Variants in CECR2 observed in about 807,000 individuals in gnomAD.
The protein encoded by CECR2 is chromatin remodeling regulator CECR2.
Under a neutral mutation model 154.5 loss-of-function variants are expected in CECR2, and 30 were observed. That is an observed-to-expected ratio of 0.19 (90% CI 0.15 to 0.26). The LOEUF (loss-of-function observed/expected upper bound fraction) is 0.26. Ranked by LOEUF, CECR2 falls within the 10% of genes least tolerant of loss-of-function variation. The pLI, the probability that CECR2 is intolerant of heterozygous loss-of-function variation, is 1.00. For missense variants in CECR2, 1,743 were observed against 1,829.3 expected (o/e 0.95, Z 0.86); for synonymous variants, 725 against 683.7 (o/e 1.06, Z -0.94).
chr22:17,514,184 T>A (rs2056010303), intron 8 of CECR2, among the ~76,000 whole-genome samples: 2 of 152,196 alleles, frequency 1.3e-5, no homozygotes. Flanking sequence ...GGAGACTGTC[T>A]CGCTGAACTC....
At chr22:17,545,161 G>C (rs1194577634) in intron 16 of CECR2, among the ~76,000 whole-genome samples, 1 of 151,674 alleles carries the variant, frequency 6.6e-6, no homozygotes, top group African/African-American at 2.4e-5. Context: ...GATCACCTGA[G>C]GTTGGGAGTT....
chr22:17,428,174 G>T (rs2054360350), intron 1 of CECR2: 2 of 152,084 alleles, frequency 1.3e-5, no homozygotes, highest in African/African-American at 2.4e-5. Flanking sequence ...TGATGGGGTT[G>T]TTTTTTTCTT....
At chr22:17,526,625 G>A (rs968061012) in intron 9 of CECR2, among the ~76,000 whole-genome samples, 5 of 151,842 alleles carry the variant, frequency 3.3e-5, no homozygotes, top group Non-Finnish European at 7.4e-5. Flanking sequence ...CCTGGCCAAG[G>A]TGTTGAAACC....
At chr22:17,472,997 C>T (rs1015809374) in intron 1 of CECR2, among the ~76,000 whole-genome samples, 2 of 152,110 alleles carry the variant, frequency 1.3e-5, no homozygotes, top group African/African-American at 4.8e-5. Context: ...TGGGGCTAGT[C>T]CCCTTGCTCA....
Position 17,548,128 on chromosome 22 carries a change from CTTT to C in CECR2, c.2861-7_2861-5del, listed in dbSNP as rs695573. 3.7e-3 allele frequency: 4,974 copies of C among 1,359,904 alleles called. No individual in the cohort carries two copies. The highest frequency in any genetic ancestry group is 7.8e-3 in the South Asian group (529 of 67,988). The allele number at this position is 1,359,904 out of a possible 1,614,324, so 84.2% of individuals were successfully genotyped here. A position where few individuals can be genotyped will look rare whatever the true frequency, so the allele number is the denominator to read the frequency against. On this transcript the variant is annotated splice_polypyrimidine_tract_variant and intron_variant, in intron 16 of 18. Coordinates refer to ENST00000262608, the MANE Select transcript of CECR2 (RefSeq NM_001290047.2). The stretch of plus-strand genomic sequence containing the variant: ...CAGCTACTGAGTTATTTTTTCTCCT[CTTT>C]TTTTTTTTTTTTGCAGCAGAGCCGT...
At chr22:17,393,670 T>C (rs1312123569) in intron 1 of CECR2, among the ~76,000 whole-genome samples, 1 of 152,190 alleles carries the variant, frequency 6.6e-6, no homozygotes, top group Non-Finnish European at 1.5e-5. Flanking sequence ...CCAACACTTA[T>C]TATCTGACTG....
chr22:17,494,556 T>G (rs1333595810), intron 2 of CECR2, among the ~76,000 whole-genome samples: 2 of 152,156 alleles, frequency 1.3e-5, no homozygotes, highest in African/African-American at 4.8e-5. Context: ...TGTAGTCCAG[T>G]GAGATTTGTG....
At chr22:17,552,449 C>A (rs1387861170) in intron 18 of CECR2, among the ~76,000 whole-genome samples, 1 of 152,186 alleles carries the variant, frequency 6.6e-6, no homozygotes, top group Non-Finnish European at 1.5e-5. Context: ...ATGCTTCCCA[C>A]CTTTCTCATT....
At chr22:17,492,193 A>G (rs10483093) in intron 2 of CECR2, among the ~76,000 whole-genome samples, 20,110 of 152,150 alleles carry the variant, frequency 0.13, 1,552 homozygotes, top group Non-Finnish European at 0.18. Context: ...GGGAGAATGC[A>G]ATTTGATTTT....
Position 17,542,308 on chromosome 22 carries a change from G to A in CECR2, c.2165G>A (p.Ser722Asn), listed in dbSNP as rs1276150251. 1.2e-6 allele frequency: 2 copies of A among 1,612,592 alleles called. No homozygotes were observed. The highest frequency in any genetic ancestry group is 2.2e-5 in the South Asian group (2 of 90,758). The change falls in exon 16 of 19, where the codon AGC becomes AAC. Residue 722 changes from serine (S) to asparagine (N), a missense_variant. By Grantham distance (46) the Ser-to-Asn change is conservative (BLOSUM62 1). Around this residue, in one of 4 missense-constraint regions of CECR2, gnomAD observed 1,250 missense variants for 1,192.1 expected, o/e 1.05. Transcript: ENST00000262608. ...GQISGPSQDG[S>N]MYAPAQFQPG... Reference sequence around the variant, plus strand: ...ATAAGTGGCCCAAGTCAGGATGGAAGCATGTATGCTCCAGCTCAGTTCCAG... The same window carrying A: ...ATAAGTGGCCCAAGTCAGGATGGAAACATGTATGCTCCAGCTCAGTTCCAG...
In CECR2 at chr22:17,524,038, C is replaced by G; in HGVS notation, c.955-80C>G. 6 of 1,137,902 alleles carry G rather than the reference C, an allele frequency of 5.3e-6. No individual in the cohort carries two copies. The South Asian group carries it at 8.8e-5, about 17-fold the overall frequency. 70.5% of individuals were successfully genotyped at this position (1,137,902 alleles called of 1,614,324 possible). A position where few individuals can be genotyped will look rare whatever the true frequency, so the allele number is the denominator to read the frequency against. ...TAGCTAATATTATTTGTTGAAAATA[C>G]TGAATTCAATGAACTGAGAGCAAAG... is the stretch of plus-strand genomic sequence containing the variant. On this transcript the variant is annotated intron_variant, in intron 8 of 18. Transcript: ENST00000262608.
intron 2 of CECR2, among the ~76,000 whole-genome samples, chr22:17,479,842 A>G (rs2518762): frequency 0.24 from 33,924 of 140,500 alleles, 4,512 homozygotes; most frequent in Non-Finnish European, 0.31. Flanking sequence ...ATCCTGTCTC[A>G]CTGTAGCCTC....
At chr22:17,547,859 C>T (rs2092946371) in intron 16 of CECR2, among the ~76,000 whole-genome samples, 1 of 152,196 alleles carries the variant, frequency 6.6e-6, no homozygotes, top group South Asian at 2.1e-4. Flanking sequence ...AGCCGTCTCT[C>T]AGCCTCTTAC....
At chr22:17,453,164 G>A (rs1006639940) in intron 1 of CECR2, among the ~76,000 whole-genome samples, 9 of 152,196 alleles carry the variant, frequency 5.9e-5, no homozygotes, top group South Asian at 2.1e-4. Flanking sequence ...TGTATGGGCC[G>A]GTCACAGTGA....
intron 1 of CECR2, among the ~76,000 whole-genome samples, chr22:17,397,542 G>A (rs1483547133): frequency 6.6e-6 from 1 of 151,880 alleles, no homozygotes; most frequent in Non-Finnish European, 1.5e-5. Context: ...CTTTTGCCCA[G>A]GTCAGACTGC....
chr22:17,552,265 G>A, intron 18 of CECR2, 123 bp downstream of exon 18: 1 of 816,434 alleles, frequency 1.2e-6, no homozygotes, highest in Non-Finnish European at 1.9e-6. Flanking sequence ...AACTTTGCCT[G>A]TATCGTGCTT....
At chr22:17,524,383 A>ATTTATTTTTTTTTTTTTTTTT in intron 9 of CECR2, 112 bp downstream of exon 9, 3 of 666,354 alleles carry the variant, frequency 4.5e-6, no homozygotes, top group Non-Finnish European at 6.5e-6. Context: ...GTTTCCGGCA[A>ATTTATTTTTTTTTTTTTTTTT]TTTCTTTTTT....
chr22:17,418,001 A>C (rs2054180856), intron 1 of CECR2, among the ~76,000 whole-genome samples: 1 of 152,240 alleles, frequency 6.6e-6, no homozygotes. Context: ...AAACATAAAA[A>C]CCAATCATCT....
Position 17,549,020 on chromosome 22 carries a change from A to G in CECR2, c.3733A>G (p.Ser1245Gly), listed in dbSNP as rs754756745. 13 of 1,613,888 alleles carry G rather than the reference A, an allele frequency of 8.1e-6. No homozygotes were observed. Among genetic ancestry groups the G allele is most frequent in the Middle Eastern group, 3.3e-4 (2 of 6,084 alleles). The change falls in exon 17 of 19, where the codon AGT becomes GGT. Residue 1245 changes from serine (S) to glycine (G), a missense_variant. Physicochemically the swap from Ser to Gly is moderately conservative, Grantham distance 56 (BLOSUM62 0). Around this residue, in one of 4 missense-constraint regions of CECR2, gnomAD observed 1,250 missense variants for 1,192.1 expected, o/e 1.05. Transcript: ENST00000262608. ...SLFSDKNAMA[S>G]LQGCETLNAA... ...CTTCTCAGATAAGAATGCCATGGCC[A>G]GTCTGCAAGGCTGTGAGACACTGAA...
Sources: allele counts gnomAD v4.1 joint callset (sites outside exome capture counted in the v4.1 genomes callset), GRCh38; gene constraint gnomAD v4.1.1; regional missense constraint gnomAD v4.1.1; transcripts MANE v1.5; gene names NCBI Gene and HGNC (gene_info 2026-07-23, HGNC 2026-07-21).